Variants in SYDE2 observed in about 807,000 individuals in gnomAD.
SYDE2 encodes the protein rho GTPase-activating protein SYDE2.
A neutral mutation model predicts 91.5 loss-of-function variants in SYDE2; 76 were observed. The observed-to-expected ratio is 0.83, with a 90% CI of 0.69 to 1.01. The LOEUF is 1.01. SYDE2 is among the 50% of genes least tolerant of loss of function. The probability of loss-of-function intolerance (pLI) is 0.00; values close to 1 mark genes in which losing one functional copy is unlikely to be tolerated. For synonymous variants in SYDE2, 513 were observed against 506.4 expected (o/e 1.01, Z -0.18); for missense variants, 1,364 against 1,367.7 (o/e 1.00, Z 0.04).
At chr1:85,197,970 A>G (rs1658659454) in intron 1 of SYDE2, among the ~76,000 whole-genome samples, 1 of 152,144 alleles carries the variant, frequency 6.6e-6, no homozygotes. Flanking sequence ...TTACTTTTTA[A>G]AATGTCTTTA....
At chr1:85,194,686 T>TA (rs924684996) in intron 1 of SYDE2, 23 of 319,132 alleles carry the variant, frequency 7.2e-5, no homozygotes, top group African/African-American at 5.2e-4. Context: ...AAATGGCAAT[T>TA]AAAAGTTTTT....
At chr1:85,160,291 T>G in intron 6 of SYDE2, 1 of 934,704 alleles carries the variant, frequency 1.1e-6, no homozygotes, top group Non-Finnish European at 1.3e-6. Context: ...TAAAAACATA[T>G]ATATGGTTCT....
Position 85,158,609 on chromosome 1 carries a change from T to C in SYDE2, c.*141A>G. 1.8e-6 allele frequency: 1 copy of C among 543,286 alleles called. No homozygotes were observed. The highest frequency in any genetic ancestry group is 3.2e-6 in the Non-Finnish European group (1 of 309,174). The allele number at this position is 543,286 out of a possible 1,614,324, so 33.7% of individuals were successfully genotyped here. On this transcript the variant is annotated 3_prime_UTR_variant, in exon 7 of 7. Transcript: ENST00000341460. ...AAATTGTATTAATGAATAGTGTTTT[T>C]AATTGAATCAGATAAACTTATTAAA...
Position 85,182,596 on chromosome 1 carries a change from C to G in SYDE2, c.2046G>C (p.Met682Ile), listed in dbSNP as rs200140878. ...PKCSQYISGLMSVHFYGAEDL... is the reference protein window; with the variant it reads ...PKCSQYISGLISVHFYGAEDL... ...CCTCAGCACCATAGAAATGTACACT[C>G]ATGAGCCCAGATATGTACTGTGAAC... Residue 682 changes from methionine to isoleucine, a missense_variant, in exon 3 of 7, where the codon ATG becomes ATC. By Grantham distance (10) the Met-to-Ile change is conservative. Coordinates refer to ENST00000341460, the MANE Select transcript of SYDE2 (RefSeq NM_032184.2). 1 of 1,613,904 alleles carries G rather than the reference C, an allele frequency of 6.2e-7. No individual in the cohort carries two copies. Among genetic ancestry groups the G allele is most frequent in the Non-Finnish European group, 8.5e-7 (1 of 1,179,860 alleles).
rs1657579409 is a variant in SYDE2 at position 85,173,553 on chromosome 1, G to A, written c.2672-4328C>T. On this transcript the variant is annotated intron_variant, in intron 4 of 6. Transcript: ENST00000341460. ...GTAGAGAATCAAAGAAATAGACAAA[G>A]AAGAGCCTTATTTAAAAGCAGTTCA... 2.0e-5 allele frequency among the ~76,000 whole-genome samples: 3 copies of A among 152,130 alleles called. No individual in the cohort carries two copies. The South Asian group carries it at 6.2e-4, about 32-fold the overall frequency.
In SYDE2 at chr1:85,182,105, C is replaced by T. The variant is rs753259093; in HGVS notation, c.2537G>A (p.Gly846Asp). The stretch of plus-strand genomic sequence containing the variant: ...ACCATAGTAAGATAATACCTGACAG[C>T]CTCTCTTTTCAATTTCCATAATACA... Reference protein sequence around the residue: ...QKCIMEIEKRGCQVVGLYRLC... With the variant: ...QKCIMEIEKRDCQVVGLYRLC... The change falls in exon 3 of 7, where the codon GGC (glycine) becomes GAC (aspartate). Residue 846 changes from glycine (G) to aspartate (D), a missense_variant. Coordinates refer to ENST00000341460, the MANE Select transcript of SYDE2 (RefSeq NM_032184.2). 3.2e-6 allele frequency: 5 copies of T among 1,582,390 alleles called. No homozygotes were observed. The highest frequency in any genetic ancestry group is 4.3e-6 in the Non-Finnish European group (5 of 1,168,392).
At position 85,182,987 on chromosome 1, in the gene SYDE2, A is replaced by G; in HGVS notation, c.1655T>C (p.Ile552Thr). 6.2e-7 allele frequency: 1 copy of G among 1,613,406 alleles called. No homozygotes were observed. The highest frequency in any genetic ancestry group is 8.5e-7 in the Non-Finnish European group (1 of 1,179,696). Residue 552 changes from isoleucine to threonine, a missense_variant, in exon 3 of 7, where the codon ATA (isoleucine) becomes ACA (threonine). Physicochemically the swap from Ile to Thr is moderately conservative, Grantham distance 89. Coordinates refer to ENST00000341460, the MANE Select transcript of SYDE2 (RefSeq NM_032184.2). ...AGAAGGAGTATTATCTGGACTGTTT[A>G]TATAATTCAATGTTCCCTTAACGCT... is the stretch of plus-strand genomic sequence containing the variant. ...KLSVKGTLNY[I>T]NSPDNTPSLS...
intron 5 of SYDE2, among the ~76,000 whole-genome samples, chr1:85,166,338 C>CA (rs532102373): frequency 0.16 from 19,579 of 124,912 alleles, 1,648 homozygotes; most frequent in African/African-American, 0.26. Context: ...GACTCCGTCT[C>CA]AAAAAAAAAA....
intron 6 of SYDE2, 138 bp downstream of exon 6, chr1:85,164,388 G>T (rs1657189053): frequency 1.9e-6 from 1 of 539,434 alleles, no homozygotes; most frequent in Admixed American, 4.0e-5. Context: ...AAATCTAAAG[G>T]GCAGGTATCA....
At chr1:85,193,670 C>G (rs552326738) in intron 1 of SYDE2, among the ~76,000 whole-genome samples, 5 of 152,168 alleles carry the variant, frequency 3.3e-5, no homozygotes, top group Admixed American at 1.3e-4. Flanking sequence ...GTCACCCAGG[C>G]TGGAGCACAG....
At chr1:85,164,781 A>C (rs1351265803) in intron 5 of SYDE2, 24 bp from the exon 6 acceptor site, 1 of 1,303,556 alleles carries the variant, frequency 7.7e-7, no homozygotes, top group East Asian at 2.9e-5. Flanking sequence ...AATTTCAATT[A>C]ATATAGTCAT....
At chr1:85,160,218 T>C (rs1284270086) in intron 6 of SYDE2, 1 of 975,460 alleles carries the variant, frequency 1.0e-6, no homozygotes, top group Non-Finnish European at 1.2e-6. Context: ...ACCAACTTTA[T>C]ACTCTCCAAT....
Position 85,182,460 on chromosome 1 carries a change from T to C in SYDE2, c.2182A>G (p.Met728Val). The C allele has an allele frequency of 7.4e-6, 12 of 1,613,700 alleles. No individual in the cohort carries two copies. Among genetic ancestry groups the C allele is most frequent in the Non-Finnish European group, 8.5e-6 (10 of 1,179,742 alleles). The change falls in exon 3 of 7, where the codon ATG becomes GTG. Residue 728 changes from methionine to valine, a missense_variant. Met to Val is a conservative substitution (Grantham distance 21). Transcript: ENST00000341460. ...ATTTCTATGTTGAAAGTGTGATCCA[T>C]GTCTAAAAATGTTGTTCGGCATGTG... ...LLTCRTTFLDMDHTFNIEIEN... is the reference protein window; with the variant it reads ...LLTCRTTFLDVDHTFNIEIEN...
rs965517856 is a variant in SYDE2, at chr1:85,192,479, TAATA to T, written c.746-1731_746-1728del. On this transcript the variant is annotated intron_variant, in intron 1 of 6. Transcript: ENST00000341460. ...ACATGTACCCAACCAAGCAGATTAA[TAATA>T]AATAAATAAATAAACAAACCTTAAA... 5.3e-5 allele frequency among the ~76,000 whole-genome samples: 8 copies of T among 152,198 alleles called. No homozygotes were observed. The East Asian group carries it at 1.5e-3, about 29-fold the overall frequency.
intron 1 of SYDE2, among the ~76,000 whole-genome samples, chr1:85,193,164 C>G (rs1658439924): frequency 6.6e-6 from 1 of 152,170 alleles, no homozygotes; most frequent in Non-Finnish European, 1.5e-5. Context: ...AAATTAACAA[C>G]TGAAAATTAA....
chr1:85,161,010 T>C, intron 6 of SYDE2: 1 of 980,724 alleles, frequency 1.0e-6, no homozygotes, highest in Non-Finnish European at 1.2e-6. Context: ...TCACTGACTT[T>C]TTAGACTACT....
At chr1:85,171,836 C>CA (rs1423051341) in intron 4 of SYDE2, among the ~76,000 whole-genome samples, 1 of 151,770 alleles carries the variant, frequency 6.6e-6, no homozygotes, top group Non-Finnish European at 1.5e-5. Context: ...AGTAAATGGG[C>CA]ATTAAAGAAA....
chr1:85,168,411 C>A (rs183816673), intron 5 of SYDE2, among the ~76,000 whole-genome samples: 1 of 152,194 alleles, frequency 6.6e-6, no homozygotes, highest in East Asian at 1.9e-4. Context: ...TAGACAAGCC[C>A]AGTCATACAT....
chr1:85,200,800 T>A lies in SYDE2; in HGVS notation c.197A>T (p.Gln66Leu). The part of the protein sequence containing the change: ...RQQVSPPRSP[Q>L]REPRGGQLRT... Reference sequence around the variant, plus strand: ...CAGCTGGCCTCCCCGCGGCTCCCTCTGAGGCGACCGGGGCGGGGACACCTG... The same window carrying A: ...CAGCTGGCCTCCCCGCGGCTCCCTCAGAGGCGACCGGGGCGGGGACACCTG... The change falls in exon 1 of 7, where the codon CAG (glutamine) becomes CTG (leucine). Residue 66 changes from glutamine to leucine, a missense_variant. By Grantham distance (113) the Gln-to-Leu change is moderately radical (BLOSUM62 -2). Transcript: ENST00000341460. The A allele has an allele frequency of 6.8e-7, 1 of 1,470,402 alleles. No homozygotes were observed. The highest frequency in any genetic ancestry group is 8.9e-7 in the Non-Finnish European group (1 of 1,118,908). 91.1% of individuals were successfully genotyped at this position (1,470,402 alleles called of 1,614,324 possible).
Sources: gnomAD v4.1 joint callset for allele counts (sites outside exome capture counted in the v4.1 genomes callset) on GRCh38, gnomAD v4.1.1 for gene constraint, MANE v1.5 for transcripts, NCBI Gene and HGNC (gene_info 2026-07-23, HGNC 2026-07-21) for gene names.